The following STK32C variants were observed in gnomAD, a reference collection of about 807,000 sequenced individuals.
The protein encoded by STK32C is serine/threonine kinase 32C.
Under a neutral mutation model 56.5 loss-of-function variants are expected in STK32C, and 31 were observed. The observed-to-expected ratio is 0.55, with a 90% CI of 0.41 to 0.74. The LOEUF (loss-of-function observed/expected upper bound fraction) is 0.74, where lower values mean the gene tolerates loss of function less well. STK32C is among the 30% of genes least tolerant of loss of function. The pLI is 0.00. For missense variants in STK32C, 544 were observed against 676.9 expected (o/e 0.80, Z 2.18); for synonymous variants, 309 against 289.4 (o/e 1.07, Z -0.69).
At chr10:132,303,742 T>C (rs1428345996) in intron 1 of STK32C, among the ~76,000 whole-genome samples, 3 of 152,260 alleles carry the variant, frequency 2.0e-5, no homozygotes, top group African/African-American at 4.8e-5. Context: ...TTTAATCTCT[T>C]AGACTGGCAA....
chr10:132,306,551 T>A (rs971497707), intron 1 of STK32C, among the ~76,000 whole-genome samples: 12 of 152,230 alleles, frequency 7.9e-5, no homozygotes, highest in African/African-American at 2.7e-4. Context: ...AACGCCGGCC[T>A]GAGGTCGTAT....
chr10:132,252,733 G>A (rs2063952886), intron 1 of STK32C, among the ~76,000 whole-genome samples: 2 of 152,256 alleles, frequency 1.3e-5, no homozygotes, highest in South Asian at 4.1e-4. Context: ...AGTCTTCCCA[G>A]TACAGCAAAT....
chr10:132,245,824 C>T (rs1164779029), intron 2 of STK32C, 76 bp downstream of exon 2: 1 of 1,448,000 alleles, frequency 6.9e-7, no homozygotes, highest in Non-Finnish European at 9.6e-7. Context: ...TAGGTGGGCT[C>T]AGGGGACAGC....
At chr10:132,294,109 C>G (rs1447085950) in intron 1 of STK32C, among the ~76,000 whole-genome samples, 1 of 152,190 alleles carries the variant, frequency 6.6e-6, no homozygotes, top group South Asian at 2.1e-4. Context: ...CAGGTCCCAG[C>G]TGGAGACAGG....
upstream of STK32C, among the ~76,000 whole-genome samples, chr10:132,308,978 T>C (rs1430766545): frequency 6.6e-6 from 1 of 152,134 alleles, no homozygotes; most frequent in East Asian, 1.9e-4. Context: ...AGCCTTTACC[T>C]CCTTAAGTTC....
intron 10 of STK32C, among the ~76,000 whole-genome samples, chr10:132,213,369 G>C (rs1004575755): frequency 6.6e-6 from 1 of 152,216 alleles, no homozygotes; most frequent in African/African-American, 2.4e-5. Flanking sequence ...GGCCTCCGCA[G>C]TGTGACAGGG....
At chr10:132,217,427 T>A (rs989884882) in intron 10 of STK32C, among the ~76,000 whole-genome samples, 2 of 152,226 alleles carry the variant, frequency 1.3e-5, no homozygotes, top group Admixed American at 1.3e-4. Context: ...AGAAGGGACT[T>A]ACCTTGTCTC....
At chr10:132,267,068 A>G (rs1371544282) in intron 1 of STK32C, among the ~76,000 whole-genome samples, 1 of 152,176 alleles carries the variant, frequency 6.6e-6, no homozygotes, top group Non-Finnish European at 1.5e-5. Context: ...CTGGGTCAGA[A>G]GCCGGAGCAG....
chr10:132,301,109 C>T (rs1590446601), intron 1 of STK32C, among the ~76,000 whole-genome samples: 2 of 146,450 alleles, frequency 1.4e-5, no homozygotes, highest in African/African-American at 5.1e-5. Context: ...ACACGAGGTC[C>T]GATTCAACTC....
At position 132,263,744 on chromosome 10, in the gene STK32C, T is replaced by TA. The variant is rs560916238; in HGVS notation, c.263-17790dup. On this transcript the variant is annotated intron_variant, in intron 1 of 11. Transcript: ENST00000298630. ...AGCTGGGCATGGTGGTGGACGCCTG[T>TA]AATCCCAGCTACTCGGGAGGCTGAG... Among the ~76,000 whole-genome samples the TA allele has an allele frequency of 1.6e-3, 245 of 150,880 alleles. 1 individual carries two copies. The highest frequency in any genetic ancestry group is 2.7e-3 in the Non-Finnish European group (180 of 67,836).
At chr10:132,331,893 C>T (rs755229351), upstream of STK32C, 23 of 1,010,052 alleles carry the variant, frequency 2.3e-5, no homozygotes, top group African/African-American at 3.3e-4. Flanking sequence ...CACCCCCTGC[C>T]ACCCCCGCGC....
At chr10:132,268,897 G>C (rs2064713038) in intron 1 of STK32C, among the ~76,000 whole-genome samples, 1 of 149,910 alleles carries the variant, frequency 6.7e-6, no homozygotes, top group African/African-American at 2.5e-5. Flanking sequence ...GTGTCGGTGT[G>C]TGTGCATGCA....
At chr10:132,303,247 C>G (rs188188772) in intron 1 of STK32C, among the ~76,000 whole-genome samples, 22 of 152,334 alleles carry the variant, frequency 1.4e-4, no homozygotes, top group Admixed American at 1.4e-3. Context: ...AAGGAGAGAG[C>G]TTTCTCACTC....
At chr10:132,231,056 G>A (rs2063083544) in intron 2 of STK32C, among the ~76,000 whole-genome samples, 1 of 152,180 alleles carries the variant, frequency 6.6e-6, no homozygotes, top group South Asian at 2.1e-4. Context: ...GCTCACCCAG[G>A]ACCACCCGCT....
At chr10:132,242,059 G>A (rs533626572) in intron 2 of STK32C, among the ~76,000 whole-genome samples, 6 of 151,858 alleles carry the variant, frequency 4.0e-5, no homozygotes, top group South Asian at 4.2e-4. Context: ...GCAGTGAGCC[G>A]AGATCACGCC....
chr10:132,224,417 A>G lies in STK32C; in HGVS notation c.983T>C (p.Leu328Ser). ...VPTWSKEMVA[L>S]LRKLLTVNPE... ...GGGATGGGGGCTCACCTTCCGCAGCAAGGCCACCATCTCCTTGGACCACGT... is the reference window on the plus strand; with the variant it reads ...GGGATGGGGGCTCACCTTCCGCAGCGAGGCCACCATCTCCTTGGACCACGT... The change falls in exon 8 of 12, where the codon TTG (leucine) becomes TCG (serine). Residue 328 changes from leucine to serine, a missense_variant. This residue lies in a region of STK32C where 277 missense variants were observed against 309.3 expected (regional missense o/e 0.90). Coordinates refer to ENST00000298630, the MANE Select transcript of STK32C (RefSeq NM_173575.4). The G allele has an allele frequency of 6.4e-7, 1 of 1,552,238 alleles. No homozygotes were observed. The highest frequency in any genetic ancestry group is 8.7e-7 in the Non-Finnish European group (1 of 1,147,610).
At chr10:132,316,486 G>T (rs1295960003) in intron 1 of STK32C, among the ~76,000 whole-genome samples, 1 of 152,118 alleles carries the variant, frequency 6.6e-6, no homozygotes, top group African/African-American at 2.4e-5. Context: ...AGGCATGGTG[G>T]CATGCACCTG....
intron 1 of STK32C, among the ~76,000 whole-genome samples, chr10:132,248,211 G>A (rs1200020453): frequency 1.3e-5 from 2 of 152,378 alleles, no homozygotes; most frequent in Non-Finnish European, 1.5e-5. Context: ...GTCACCAGAT[G>A]TTAAAGGAAA....
intron 1 of STK32C, among the ~76,000 whole-genome samples, chr10:132,296,409 T>C (rs2065748198): frequency 6.6e-6 from 1 of 151,946 alleles, no homozygotes; most frequent in Non-Finnish European, 1.5e-5. Context: ...TTACGACAAA[T>C]GTACCCGGTT....
Sources: gnomAD v4.1 joint callset for allele counts (sites outside exome capture counted in the v4.1 genomes callset) on GRCh38, gnomAD v4.1.1 for gene constraint, gnomAD v4.1.1 regional missense constraint, MANE v1.5 for transcripts, NCBI Gene and HGNC (gene_info 2026-07-23, HGNC 2026-07-21) for gene names.